The following ROBO2 variants were observed in gnomAD, a reference collection of about 807,000 sequenced individuals.
ROBO2 encodes the protein roundabout guidance receptor 2, also known as roundabout homolog 2.
In ROBO2, 53 loss-of-function variants were observed where a neutral mutation model predicts 160.8. The observed-to-expected ratio is 0.33, with a 90% CI of 0.26 to 0.41. The LOEUF (loss-of-function observed/expected upper bound fraction) is 0.41. ROBO2 is among the 10% of genes least tolerant of loss of function. ROBO2 has a pLI of 1.00. For synonymous variants in ROBO2, 664 were observed against 611.7 expected (o/e 1.09, Z -1.26); for missense variants, 1,577 against 1,722.4 (o/e 0.92, Z 1.49).
intron 2 of ROBO2, among the ~76,000 whole-genome samples, chr3:76,210,880 G>T (rs917054397): frequency 1.4e-4 from 22 of 152,028 alleles, no homozygotes; most frequent in African/African-American, 5.3e-4. Context: ...TCTATCATTT[G>T]TGTATAATTT....
intron 2 of ROBO2, among the ~76,000 whole-genome samples, chr3:77,390,507 C>A (rs1213153698): frequency 6.6e-6 from 1 of 152,094 alleles, no homozygotes; most frequent in Non-Finnish European, 1.5e-5. Context: ...AGTTTCCCTA[C>A]ATAATCTCTC....
chr3:76,219,618 C>T (rs1015964917), intron 2 of ROBO2, among the ~76,000 whole-genome samples: 2 of 152,156 alleles, frequency 1.3e-5, no homozygotes, highest in African/African-American at 2.4e-5. Context: ...AAATCAAAAC[C>T]ACAGTGAGAT....
chr3:76,727,433 A>C (rs267118), intron 2 of ROBO2, among the ~76,000 whole-genome samples: 85,799 of 151,922 alleles, frequency 0.56, 25,380 homozygotes, highest in Non-Finnish European at 0.66. Flanking sequence ...TGGCCAATTT[A>C]TTTTGAGTAA....
chr3:77,282,779 A>C (rs748428549), intron 2 of ROBO2, among the ~76,000 whole-genome samples: 6 of 152,090 alleles, frequency 3.9e-5, no homozygotes, highest in Non-Finnish European at 8.8e-5. Context: ...GCATAATATA[A>C]TGATCAGAAA....
intron 2 of ROBO2, among the ~76,000 whole-genome samples, chr3:77,100,606 C>T (rs570161964): frequency 6.6e-6 from 1 of 151,994 alleles, no homozygotes; most frequent in East Asian, 1.9e-4. Flanking sequence ...GTGGTGCATT[C>T]ACTTAGTTTA....
In ROBO2 at chr3:77,068,786, G is replaced by A. The variant is rs143314558; in HGVS notation, c.61+27940G>A. Among the ~76,000 whole-genome samples, 600 of 152,152 alleles carry A rather than the reference G, an allele frequency of 3.9e-3. 4 individuals are homozygous for A. The highest frequency in any genetic ancestry group is 0.013 in the African/African-American group (534 of 41,518). ...CCAGCCCACTTCCGCAGGCTAGTATGTTTCTAGGCTTCATTAAATAGAACA... is the reference window on the plus strand; with the variant it reads ...CCAGCCCACTTCCGCAGGCTAGTATATTTCTAGGCTTCATTAAATAGAACA... On this transcript the variant is annotated intron_variant, in intron 1 of 25. Transcript: ENST00000461745.
chr3:77,180,435 T>TG (rs1491200828), intron 2 of ROBO2, among the ~76,000 whole-genome samples: 215 of 63,484 alleles, frequency 3.4e-3, no homozygotes, highest in African/African-American at 0.013. Flanking sequence ...TATATATGTA[T>TG]TTTTTTTTTT....
At chr3:76,201,294 T>A (rs1222164230) in intron 2 of ROBO2, among the ~76,000 whole-genome samples, 1 of 152,194 alleles carries the variant, frequency 6.6e-6, no homozygotes, top group Non-Finnish European at 1.5e-5. Flanking sequence ...TTACCAATTT[T>A]AATTTTTTAT....
chr3:77,613,776 A>G (rs964877366), intron 21 of ROBO2, among the ~76,000 whole-genome samples: 1 of 152,196 alleles, frequency 6.6e-6, no homozygotes. Flanking sequence ...GGTATTATAA[A>G]CATGTGAAAA....
intron 2 of ROBO2, among the ~76,000 whole-genome samples, chr3:77,375,116 G>A (rs1200035148): frequency 6.6e-6 from 1 of 152,220 alleles, no homozygotes; most frequent in Non-Finnish European, 1.5e-5. Flanking sequence ...GGAAGCCAAG[G>A]TGGGAGGATC....
At chr3:75,912,141 T>A (rs940517518) in intron 1 of ROBO2, among the ~76,000 whole-genome samples, 3 of 152,178 alleles carry the variant, frequency 2.0e-5, no homozygotes, top group African/African-American at 4.8e-5. Flanking sequence ...AAAACTAGAA[T>A]GAGTATTTTT....
At chr3:77,109,096 G>GA (rs928083068) in intron 2 of ROBO2, among the ~76,000 whole-genome samples, 5 of 151,502 alleles carry the variant, frequency 3.3e-5, no homozygotes, top group Middle Eastern at 3.4e-3. Flanking sequence ...ATAAAATGTT[G>GA]AAAAAAAAGG....
chr3:77,244,736 G>T (rs1426159567), intron 2 of ROBO2, among the ~76,000 whole-genome samples: 1 of 151,970 alleles, frequency 6.6e-6, no homozygotes, highest in Non-Finnish European at 1.5e-5. Flanking sequence ...AAATTAGCCA[G>T]ATGTGGTGGT....
chr3:76,189,937 C>T (rs1701931776), intron 2 of ROBO2, among the ~76,000 whole-genome samples: 1 of 152,102 alleles, frequency 6.6e-6, no homozygotes. Context: ...GTCTCCAGAG[C>T]TTCAGGCCTA....
chr3:77,331,879 T>C (rs1263304430), intron 2 of ROBO2, among the ~76,000 whole-genome samples: 1 of 152,066 alleles, frequency 6.6e-6, no homozygotes, highest in African/African-American at 2.4e-5. Flanking sequence ...CTAATTTTTG[T>C]ATTTTTAGTA....
chr3:77,445,696 T>C (rs1246267978), intron 2 of ROBO2, among the ~76,000 whole-genome samples: 1 of 151,984 alleles, frequency 6.6e-6, no homozygotes, highest in Non-Finnish European at 1.5e-5. Context: ...ATTTTCATGA[T>C]AGTTTCCTGA....
At chr3:77,287,007 T>C (rs1404362547) in intron 2 of ROBO2, among the ~76,000 whole-genome samples, 1 of 152,238 alleles carries the variant, frequency 6.6e-6, no homozygotes, top group Non-Finnish European at 1.5e-5. Context: ...TGCCATTCGT[T>C]TGAGCTCTCT....
chr3:76,692,634 A>G lies in ROBO2; in HGVS notation c.110-405380A>G, dbSNP rs564466524. 2.7e-3 allele frequency among the ~76,000 whole-genome samples: 406 copies of G among 152,186 alleles called. 2 individuals are homozygous for G. The highest frequency in any genetic ancestry group is 9.3e-3 in the African/African-American group (388 of 41,536). ...GTCAGGCAGATCTGACATCTGAGTA[A>G]GTTTGGCAATACCCTTTTCTTCTTA... On this transcript the variant is annotated intron_variant, in intron 2 of 26. Transcript: ENST00000487694.
intron 2 of ROBO2, among the ~76,000 whole-genome samples, chr3:76,692,203 G>T (rs1358172871): frequency 6.6e-6 from 1 of 152,136 alleles, no homozygotes; most frequent in African/African-American, 2.4e-5. Flanking sequence ...GGGGGCAGCA[G>T]GTGCTTGAGG....
Sources: allele counts gnomAD v4.1 joint callset (sites outside exome capture counted in the v4.1 genomes callset), GRCh38; gene constraint gnomAD v4.1.1; transcripts MANE v1.5; gene names NCBI Gene and HGNC (gene_info 2026-07-23, HGNC 2026-07-21).